EIF2AK4: variants seen among roughly 807,000 people sequenced by gnomAD.
EIF2AK4 encodes eIF-2-alpha kinase GCN2.
EIF2AK4 carries 139 observed loss-of-function variants against 211.1 expected under a neutral mutation model. That is an observed-to-expected ratio of 0.66 (90% CI 0.57 to 0.76). The LOEUF (loss-of-function observed/expected upper bound fraction) is 0.76, where lower values mean the gene tolerates loss of function less well. Among genes scored for constraint, EIF2AK4 ranks in the 30% least tolerant of loss-of-function variants. The pLI, the probability that EIF2AK4 is intolerant of heterozygous loss-of-function variation, is 0.00. For synonymous variants in EIF2AK4, 710 were observed against 751.3 expected (o/e 0.94, Z 0.90); for missense variants, 1,664 against 2,043.8 (o/e 0.81, Z 3.58).
At chr15:39,960,296 G>C (rs2140908921) in intron 6 of EIF2AK4, among the ~76,000 whole-genome samples, 1 of 152,178 alleles carries the variant, frequency 6.6e-6, no homozygotes, top group South Asian at 2.1e-4. Flanking sequence ...GAAGCAGAAA[G>C]ACCAGATAAT....
chr15:39,942,290 G>C (rs994273222), intron 2 of EIF2AK4, among the ~76,000 whole-genome samples: 1 of 152,112 alleles, frequency 6.6e-6, no homozygotes, highest in African/African-American at 2.4e-5. Context: ...GACCTTTGGG[G>C]AGGAATTCTA....
intron 10 of EIF2AK4, among the ~76,000 whole-genome samples, 163 bp downstream of exon 10, chr15:39,973,177 T>A (rs1362978984): frequency 6.6e-6 from 1 of 152,232 alleles, no homozygotes. Context: ...GGGACTGTTT[T>A]GCCACCCTGA....
At chr15:39,939,151 C>T (rs534849908) in intron 1 of EIF2AK4, among the ~76,000 whole-genome samples, 86 of 152,260 alleles carry the variant, frequency 5.6e-4, no homozygotes, top group Non-Finnish European at 1.1e-3. Flanking sequence ...TGAAATCACT[C>T]GTCTTCTAGT....
Position 39,934,221 on chromosome 15 carries a change from G to A in EIF2AK4, c.26G>A (p.Gly9Glu), listed in dbSNP as rs773331885. 11 of 1,591,258 alleles carry A rather than the reference G, an allele frequency of 6.9e-6. No homozygotes were observed. The highest frequency in any genetic ancestry group is 8.5e-6 in the Non-Finnish European group (10 of 1,169,990). Residue 9 changes from glycine to glutamate, a missense_variant, in exon 1 of 39, where the codon GGG becomes GAG. By Grantham distance (98) the Gly-to-Glu change is moderately conservative. Transcript: ENST00000263791. ...ATGGCTGGGGGCCGTGGGGCCCCCG[G>A]GCGCGGCCGGGACGAGCCTCCGGAG... is the stretch of plus-strand genomic sequence containing the variant. MAGGRGAP[G>E]RGRDEPPESY...
intron 11 of EIF2AK4, chr15:39,974,085 C>G (rs1171843168): frequency 1.2e-5 from 2 of 166,880 alleles, no homozygotes; most frequent in Non-Finnish European, 2.6e-5. Flanking sequence ...TTTTTTTCTC[C>G]TGTTTGCTGT....
chr15:40,033,957 G>A (rs184069206), intron 37 of EIF2AK4, among the ~76,000 whole-genome samples: 3 of 151,920 alleles, frequency 2.0e-5, no homozygotes, highest in Non-Finnish European at 4.4e-5. Flanking sequence ...GAACCCAGGA[G>A]GTGGAGGTTG....
chr15:39,995,446 A>G (rs925862216), intron 18 of EIF2AK4, among the ~76,000 whole-genome samples: 5 of 152,072 alleles, frequency 3.3e-5, no homozygotes, highest in African/African-American at 1.2e-4. Context: ...GCCCCTGACC[A>G]TGTGCAGTCT....
chr15:40,029,593 C>G, intron 34 of EIF2AK4, 129 bp downstream of exon 34: 2 of 945,082 alleles, frequency 2.1e-6, no homozygotes, highest in Non-Finnish European at 3.1e-6. Context: ...ATAAATTGTA[C>G]CACATGGGAT....
At chr15:39,993,107 C>A (rs12915960) in intron 18 of EIF2AK4, among the ~76,000 whole-genome samples, 1 of 138,550 alleles carries the variant, frequency 7.2e-6, no homozygotes. Flanking sequence ...CATCCATCCA[C>A]CCACCCATCC....
At chr15:39,954,395 G>A (rs1380145352) in intron 5 of EIF2AK4, among the ~76,000 whole-genome samples, 3 of 152,168 alleles carry the variant, frequency 2.0e-5, no homozygotes, top group African/African-American at 4.8e-5. Context: ...TGGGATTACA[G>A]GCGTATGCCA....
At chr15:39,986,151 G>T (rs1225000572) in intron 14 of EIF2AK4, among the ~76,000 whole-genome samples, 1 of 152,216 alleles carries the variant, frequency 6.6e-6, no homozygotes, top group African/African-American at 2.4e-5. Context: ...TGTTAGGACT[G>T]CATGAACTCG....
chr15:40,022,740 TC>T, intron 32 of EIF2AK4, 135 bp downstream of exon 32: 1 of 709,320 alleles, frequency 1.4e-6, no homozygotes, highest in Non-Finnish European at 2.3e-6. Context: ...TTGTTGGGTT[TC>T]TTTTTTTTTT....
chr15:39,998,030 T>C (rs954451123), intron 19 of EIF2AK4, among the ~76,000 whole-genome samples: 7 of 152,202 alleles, frequency 4.6e-5, no homozygotes, highest in Non-Finnish European at 8.8e-5. Context: ...TGAAAACAAA[T>C]TATTTTACTG....
chr15:40,005,128 C>T (rs1221320771), intron 23 of EIF2AK4, among the ~76,000 whole-genome samples: 7 of 152,146 alleles, frequency 4.6e-5, no homozygotes, highest in African/African-American at 7.2e-5. Flanking sequence ...CAGGAGGATG[C>T]GCATAGGCTA....
intron 33 of EIF2AK4, 82 bp from the exon 34 acceptor site, chr15:40,029,324 T>C: frequency 6.5e-7 from 1 of 1,541,002 alleles, no homozygotes; most frequent in Non-Finnish European, 8.7e-7. Flanking sequence ...AGTGGCTCAC[T>C]ATACATGTAG....
chr15:40,030,540 C>A, intron 35 of EIF2AK4, 84 bp downstream of exon 35: 1 of 1,357,608 alleles, frequency 7.4e-7, no homozygotes, highest in Non-Finnish European at 1.0e-6. Context: ...ATAAGATAAA[C>A]ATGGAATTTC....
intron 1 of EIF2AK4, among the ~76,000 whole-genome samples, chr15:39,936,035 C>A (rs1031044017): frequency 6.6e-6 from 1 of 152,136 alleles, no homozygotes; most frequent in African/African-American, 2.4e-5. Context: ...ACACAAAGCT[C>A]CTAAGGCTTC....
rs12324776 is a variant in EIF2AK4 at position 40,029,235 on chromosome 15, C to G, written c.4503-171C>G. 1,905 of 891,490 alleles carry G rather than the reference C, an allele frequency of 2.1e-3. 30 individuals are homozygous for G. The African/African-American group carries it at 0.031, about 15-fold the overall frequency. The allele number at this position is 891,490 out of a possible 1,614,324, so 55.2% of individuals were successfully genotyped here. A position where few individuals can be genotyped will look rare whatever the true frequency, so the allele number is the denominator to read the frequency against. On this transcript the variant is annotated intron_variant, in intron 33 of 38. Coordinates refer to ENST00000263791, the MANE Select transcript of EIF2AK4 (RefSeq NM_001013703.4). ...TTTATAATTTTTACTTGCTCTTGAC[C>G]AAAGCATAACTAAATGCAAATTTTT...
At position 39,988,114 on chromosome 15, in the gene EIF2AK4, T is replaced by C; in HGVS notation, c.2526+9T>C. On this transcript the variant is annotated intron_variant, in intron 15 of 38. Coordinates refer to ENST00000263791, the MANE Select transcript of EIF2AK4 (RefSeq NM_001013703.4). ...CTTATATCCATGAGAAAGTAAACTTTACAACATTTCATATCTGAAGACTTA... is the reference window on the plus strand; with the variant it reads ...CTTATATCCATGAGAAAGTAAACTTCACAACATTTCATATCTGAAGACTTA... The C allele has an allele frequency of 6.2e-7, 1 of 1,613,698 alleles. No individual in the cohort carries two copies. Among genetic ancestry groups the C allele is most frequent in the African/African-American group, 1.3e-5 (1 of 75,040 alleles).
Sources: allele counts gnomAD v4.1 joint callset (sites outside exome capture counted in the v4.1 genomes callset), GRCh38; gene constraint gnomAD v4.1.1; transcripts MANE v1.5; gene names NCBI Gene and HGNC (gene_info 2026-07-23, HGNC 2026-07-21).